Variants in NRBP2 observed in about 807,000 individuals in gnomAD.
NRBP2 encodes the protein nuclear receptor-binding protein 2.
Under a neutral mutation model 74.4 loss-of-function variants are expected in NRBP2, and 47 were observed. The ratio of observed to expected loss-of-function variants is 0.63; its 90% CI spans 0.50 to 0.81. The LOEUF (loss-of-function observed/expected upper bound fraction) is 0.81, where lower values mean the gene tolerates loss of function less well. NRBP2 is among the 30% of genes least tolerant of loss of function. The pLI is 0.00. For synonymous variants in NRBP2, 312 were observed against 273.8 expected, an observed-to-expected ratio of 1.14 and a Z score of -1.38; for missense variants, 613 against 690.1, an observed-to-expected ratio of 0.89 and a Z score of 1.25.
intron 15 of NRBP2, 25 bp downstream of exon 15, chr8:143,836,102 C>T (rs782443013): frequency 1.2e-5 from 19 of 1,597,238 alleles, no homozygotes; most frequent in South Asian, 9.0e-5. Context: ...CCCACGGCAG[C>T]GCCGCCCTCC....
downstream of NRBP2, chr8:143,833,402 T>A (rs979362500): frequency 1.3e-5 from 2 of 152,218 alleles, no homozygotes; most frequent in Non-Finnish European, 2.9e-5. Context: ...CATGCAGCTA[T>A]GATGCCCGTA....
chr8:143,840,333 C>A lies in NRBP2; in HGVS notation c.130-104G>T. 2 of 1,431,756 alleles carry A rather than the reference C, an allele frequency of 1.4e-6. No homozygotes were observed. The highest frequency in any genetic ancestry group is 5.0e-5 in the East Asian group (2 of 40,208). 88.7% of individuals were successfully genotyped at this position (1,431,756 alleles called of 1,614,324 possible). A position where few individuals can be genotyped will look rare whatever the true frequency, so the allele number is the denominator to read the frequency against. ...TTCCAGTGGGCCCAAGCGTGGGCTG[C>A]AGGCCCTGAGCCACTCTGCGGGAAG... On this transcript the variant is annotated intron_variant, in intron 1 of 17. Transcript: ENST00000442628. This position sits in a 1 kb window ranked among gnomAD's most constrained non-coding sequence, Gnocchi z 5.7.
In NRBP2 at chr8:143,835,750, T is replaced by C. The variant is rs1460377996; in HGVS notation, c.1438-20A>G. 1.9e-6 allele frequency: 3 copies of C among 1,596,220 alleles called. No individual in the cohort carries two copies. Among genetic ancestry groups the C allele is most frequent in the East Asian group, 4.5e-5 (2 of 44,608 alleles). On this transcript the variant is annotated intron_variant, in intron 17 of 17. Coordinates refer to ENST00000442628, the MANE Select transcript of NRBP2 (RefSeq NM_178564.4). The surrounding 1 kb of genome is among the most constrained non-coding windows in gnomAD (Gnocchi z 4.9). ...GTCGTCCTGCGGAAGGAGGGAGGCA[T>C]GGGGGACGGAGGGGCGCGGCCTGCC...
rs959457584 is a variant in NRBP2, at chr8:143,840,562, G to A, written c.129+144C>T. ...GAGCGCCAGGCCAAAGGGGTCCAGGGGTGGCTGATTCGCGGGCCGCGAGGG... is the reference window on the plus strand; with the variant it reads ...GAGCGCCAGGCCAAAGGGGTCCAGGAGTGGCTGATTCGCGGGCCGCGAGGG... On this transcript the variant is annotated intron_variant, in intron 1 of 17. Transcript: ENST00000442628. The surrounding 1 kb of genome is among the most constrained non-coding windows in gnomAD (Gnocchi z 5.7). The A allele has an allele frequency of 1.9e-5, 16 of 844,116 alleles. 1 individual carries two copies. The highest frequency in any genetic ancestry group is 1.8e-4 in the South Asian group (9 of 51,122). The allele number at this position is 844,116 out of a possible 1,614,324, so 52.3% of individuals were successfully genotyped here.
intron 10 of NRBP2, among the ~76,000 whole-genome samples, chr8:143,838,475 C>T (rs1818529152): frequency 6.6e-6 from 1 of 152,234 alleles, no homozygotes; most frequent in African/African-American, 2.4e-5. Flanking sequence ...GCCTTCTTGT[C>T]CTTAGAATGT....
chr8:143,840,787 C>G lies in NRBP2; in HGVS notation c.48G>C (p.Arg16=). 16 of 1,505,850 alleles carry G rather than the reference C, an allele frequency of 1.1e-5. No individual in the cohort carries two copies. The highest frequency in any genetic ancestry group is 1.4e-5 in the Non-Finnish European group (16 of 1,133,348). The allele number at this position is 1,505,850 out of a possible 1,614,324, so 93.3% of individuals were successfully genotyped here. A position where few individuals can be genotyped will look rare whatever the true frequency, so the allele number is the denominator to read the frequency against. Residue 16 remains arginine (R), a synonymous_variant, in exon 1 of 18, where the codon CGG becomes CGC. Transcript: ENST00000442628. The surrounding 1 kb of genome is among the most constrained non-coding windows in gnomAD (Gnocchi z 5.7). ...PAPRRARERE[R]EREDESEDES... is the part of the protein sequence containing the mutation. ...CGTCCTCGCTCTCGTCCTCCCGCTC[C>G]CGCTCCCGTTCCCGGGCCCGCCTCG...
In NRBP2 at chr8:143,839,451, A is replaced by T. The variant is rs1351697141; in HGVS notation, c.486-43T>A. The T allele has an allele frequency of 1.3e-6, 2 of 1,533,316 alleles. No individual in the cohort carries two copies. Among genetic ancestry groups the T allele is most frequent in the East Asian group, 4.9e-5 (2 of 40,894 alleles). 95.0% of individuals were successfully genotyped at this position (1,533,316 alleles called of 1,614,324 possible). ...GGGAGAGTAGGAGGAGCCGGTCAGGAGGCTCTGGAGAGATGGGGGCTCGGT... is the reference window on the plus strand; with the variant it reads ...GGGAGAGTAGGAGGAGCCGGTCAGGTGGCTCTGGAGAGATGGGGGCTCGGT... On this transcript the variant is annotated intron_variant, in intron 5 of 17. Coordinates refer to ENST00000442628, the MANE Select transcript of NRBP2 (RefSeq NM_178564.4). This position sits in a 1 kb window ranked among gnomAD's most constrained non-coding sequence, Gnocchi z 5.1.
downstream of NRBP2, among the ~76,000 whole-genome samples, chr8:143,832,211 C>A (rs1554650411): frequency 3.3e-5 from 5 of 151,694 alleles, no homozygotes; most frequent in Admixed American, 2.6e-4. Flanking sequence ...TAAACAGATG[C>A]TTGAAGGCAG....
chr8:143,835,597 A>T lies in NRBP2; in HGVS notation c.*65T>A. ...GAGGAGGGCAGCCCCACGGTGCTGG[A>T]GTCTCCCCAACATGGCCTGCCCAGG... is the stretch of plus-strand genomic sequence containing the variant. On this transcript the variant is annotated 3_prime_UTR_variant, in exon 18 of 18. Coordinates refer to ENST00000442628, the MANE Select transcript of NRBP2 (RefSeq NM_178564.4). The surrounding 1 kb of genome is among the most constrained non-coding windows in gnomAD (Gnocchi z 4.9). 3 of 1,356,386 alleles carry T rather than the reference A, an allele frequency of 2.2e-6. No homozygotes were observed. Among genetic ancestry groups the T allele is most frequent in the East Asian group, 2.4e-5 (1 of 42,094 alleles). The allele number at this position is 1,356,386 out of a possible 1,614,324, so 84.0% of individuals were successfully genotyped here.
chr8:143,839,304 C>T lies in NRBP2; in HGVS notation c.580+10G>A. ...CCCCGTTCCCCCACCCAGCCCTGCCCCGCCAGCACCGGAGCCGATCTTGAT... is the reference window on the plus strand; with the variant it reads ...CCCCGTTCCCCCACCCAGCCCTGCCTCGCCAGCACCGGAGCCGATCTTGAT... On this transcript the variant is annotated intron_variant, in intron 6 of 17. Transcript: ENST00000442628. This position sits in a 1 kb window ranked among gnomAD's most constrained non-coding sequence, Gnocchi z 5.1. 9 of 1,551,230 alleles carry T rather than the reference C, an allele frequency of 5.8e-6. No homozygotes were observed. The highest frequency in any genetic ancestry group is 7.8e-6 in the Non-Finnish European group (9 of 1,155,680).
At chr8:143,833,409 C>T (rs1436065777), downstream of NRBP2, 4 of 152,132 alleles carry the variant, frequency 2.6e-5, no homozygotes, top group African/African-American at 7.2e-5. Flanking sequence ...CTATGATGCC[C>T]GTAACACTGG....
At chr8:143,838,062 C>G in intron 10 of NRBP2, 2 of 617,372 alleles carry the variant, frequency 3.2e-6, no homozygotes, top group Admixed American at 2.3e-5. Flanking sequence ...GCCTTTTGAT[C>G]GGCTCAGCTC....
In NRBP2 at chr8:143,837,279, A is replaced by G. The variant is rs373544677; in HGVS notation, c.1097T>C (p.Met366Thr). The change falls in exon 13 of 18, where the codon ATG becomes ACG. Residue 366 changes from methionine to threonine, a missense_variant. Coordinates refer to ENST00000442628, the MANE Select transcript of NRBP2 (RefSeq NM_178564.4). This position sits in a 1 kb window ranked among gnomAD's most constrained non-coding sequence, Gnocchi z 4.3. ...LQWRYSEVSF[M>T]ELDKFLEDVR... Reference sequence around the variant, plus strand: ...ATCCTCCAGGAATTTGTCCAGCTCCATGAAGGAGACTTCCGAGTACCTGGC... The same window carrying G: ...ATCCTCCAGGAATTTGTCCAGCTCCGTGAAGGAGACTTCCGAGTACCTGGC... 184 of 1,606,654 alleles carry G rather than the reference A, an allele frequency of 1.1e-4. No homozygotes were observed. Among genetic ancestry groups the G allele is most frequent in the Non-Finnish European group, 1.3e-4 (152 of 1,176,158 alleles).
Position 143,839,572 on chromosome 8 carries a change from G to T in NRBP2, c.445-23C>A. On this transcript the variant is annotated intron_variant, in intron 4 of 17. Coordinates refer to ENST00000442628, the MANE Select transcript of NRBP2 (RefSeq NM_178564.4). This position sits in a 1 kb window ranked among gnomAD's most constrained non-coding sequence, Gnocchi z 5.1. Reference sequence around the variant, plus strand: ...GGCCTGGCGGCGGACGCACGACTCCGTCGGTCGGGTGGGCGCAGGAGAGGC... The same window carrying T: ...GGCCTGGCGGCGGACGCACGACTCCTTCGGTCGGGTGGGCGCAGGAGAGGC... 2.0e-6 allele frequency: 3 copies of T among 1,527,506 alleles called. No homozygotes were observed. Among genetic ancestry groups the T allele is most frequent in the Non-Finnish European group, 2.6e-6 (3 of 1,143,108 alleles). The allele number at this position is 1,527,506 out of a possible 1,614,324, so 94.6% of individuals were successfully genotyped here. A position where few individuals can be genotyped will look rare whatever the true frequency, so the allele number is the denominator to read the frequency against.
Position 143,839,671 on chromosome 8 carries a change from C to CA in NRBP2, c.444+64_444+65insT, listed in dbSNP as rs1818607589. Reference sequence around the variant, plus strand: ...AGGCCGCCGGGCACCCCCTCACCATCCCAGTCCCCGAGGCTGCCCCAACCC... The same window carrying CA: ...AGGCCGCCGGGCACCCCCTCACCATCACCAGTCCCCGAGGCTGCCCCAACCC... On this transcript the variant is annotated intron_variant, in intron 4 of 17. Coordinates refer to ENST00000442628, the MANE Select transcript of NRBP2 (RefSeq NM_178564.4). This position sits in a 1 kb window ranked among gnomAD's most constrained non-coding sequence, Gnocchi z 5.1. 1 of 1,528,112 alleles carries CA rather than the reference C, an allele frequency of 6.5e-7. No homozygotes were observed. The highest frequency in any genetic ancestry group is 1.7e-4 in the Middle Eastern group (1 of 5,746). The allele number at this position is 1,528,112 out of a possible 1,614,324, so 94.7% of individuals were successfully genotyped here.
rs1031372789 is a variant in NRBP2, at chr8:143,833,742, T to C, written c.*1920A>G. On this transcript the variant is annotated 3_prime_UTR_variant, in exon 18 of 18. Coordinates refer to ENST00000442628, the MANE Select transcript of NRBP2 (RefSeq NM_178564.4). Reference sequence around the variant, plus strand: ...ATGATTAAGTGCAGCAATGGTGGTATTGATGCTTTTAAGTTCAGTTTAATC... The same window carrying C: ...ATGATTAAGTGCAGCAATGGTGGTACTGATGCTTTTAAGTTCAGTTTAATC... 2.6e-5 allele frequency: 4 copies of C among 152,226 alleles called. No homozygotes were observed. Among genetic ancestry groups the C allele is most frequent in the East Asian group, 1.9e-4 (1 of 5,204 alleles). 9.4% of individuals were successfully genotyped at this position (152,226 alleles called of 1,614,324 possible). A position where few individuals can be genotyped will look rare whatever the true frequency, so the allele number is the denominator to read the frequency against.
chr8:143,839,294 C>G lies in NRBP2; in HGVS notation c.580+20G>C. 6.5e-7 allele frequency: 1 copy of G among 1,541,134 alleles called. No individual in the cohort carries two copies. Among genetic ancestry groups the G allele is most frequent in the Non-Finnish European group, 8.7e-7 (1 of 1,149,656 alleles). On this transcript the variant is annotated intron_variant, in intron 6 of 17. Coordinates refer to ENST00000442628, the MANE Select transcript of NRBP2 (RefSeq NM_178564.4). This position sits in a 1 kb window ranked among gnomAD's most constrained non-coding sequence, Gnocchi z 5.1. The stretch of plus-strand genomic sequence containing the variant: ...CCTTCCCCTGCCCCGTTCCCCCACC[C>G]AGCCCTGCCCCGCCAGCACCGGAGC...
rs377179594 is a variant in NRBP2 at position 143,837,388 on chromosome 8, C to T, written c.1076+19G>A. ...GGGGAGGTGTGGGGAGGGGAGGCTT[C>T]TGGGTGCTGACTGCTCACCGCCACT... is the stretch of plus-strand genomic sequence containing the variant. On this transcript the variant is annotated intron_variant, in intron 12 of 17. Coordinates refer to ENST00000442628, the MANE Select transcript of NRBP2 (RefSeq NM_178564.4). The surrounding 1 kb of genome is among the most constrained non-coding windows in gnomAD (Gnocchi z 4.3). The T allele has an allele frequency of 5.7e-6, 9 of 1,573,726 alleles. No homozygotes were observed. In the South Asian group the frequency reaches 5.8e-5, roughly 10 times the overall value.
chr8:143,838,154 C>A, intron 10 of NRBP2: 1 of 424,766 alleles, frequency 2.4e-6, no homozygotes, highest in Non-Finnish European at 4.4e-6. Context: ...CGCCACCAGC[C>A]CCGACCAGGC....
Sources: allele counts gnomAD v4.1 joint callset (sites outside exome capture counted in the v4.1 genomes callset), GRCh38; gene constraint gnomAD v4.1.1; non-coding constraint Gnocchi (gnomAD v3.1); transcripts MANE v1.5; gene names NCBI Gene and HGNC (gene_info 2026-07-23, HGNC 2026-07-21).